SPTLC3: variants seen among roughly 807,000 people sequenced by gnomAD.
SPTLC3 encodes the protein serine palmitoyltransferase long chain base subunit 3.
In SPTLC3, 36 loss-of-function variants were observed where a neutral mutation model predicts 59.3. The ratio of observed to expected loss-of-function variants is 0.61; its 90% CI spans 0.47 to 0.80. The LOEUF is 0.80. SPTLC3 is among the 30% of genes least tolerant of loss of function. The pLI is 0.00. For missense variants in SPTLC3, 625 were observed against 685.1 expected (o/e 0.91, Z 0.98); for synonymous variants, 257 against 240.8 (o/e 1.07, Z -0.62).
chr20:13,015,580 C>T (rs1985487465), intron 1 of SPTLC3, among the ~76,000 whole-genome samples: 1 of 152,100 alleles, frequency 6.6e-6, no homozygotes, highest in Non-Finnish European at 1.5e-5. Context: ...CTAAGTTAAC[C>T]TATCAGTTTC....
At chr20:13,073,699 G>T in intron 3 of SPTLC3, 2 of 409,054 alleles carry the variant, frequency 4.9e-6, no homozygotes, top group Admixed American at 3.7e-5. Flanking sequence ...CTTGTTCATT[G>T]CTGCAGCTTC....
At chr20:13,048,062 A>G (rs1280673165) in intron 1 of SPTLC3, among the ~76,000 whole-genome samples, 3 of 152,214 alleles carry the variant, frequency 2.0e-5, no homozygotes, top group Admixed American at 6.5e-5. Context: ...TTTAACTGAC[A>G]AAGATCAAAA....
chr20:13,072,445 A>G (rs1173080942), intron 3 of SPTLC3, 35 bp downstream of exon 3: 2 of 1,518,416 alleles, frequency 1.3e-6, no homozygotes, highest in East Asian at 2.3e-5. Context: ...TGGTGAAAAG[A>G]AAAACCTTTC....
At chr20:13,079,846 C>T in intron 4 of SPTLC3, 2 of 454,082 alleles carry the variant, frequency 4.4e-6, no homozygotes, top group Non-Finnish European at 9.2e-6. Flanking sequence ...GGAAAATGGG[C>T]AGGCACTCTT....
chr20:13,109,757 T>C (rs532329661), intron 6 of SPTLC3, among the ~76,000 whole-genome samples: 125 of 152,192 alleles, frequency 8.2e-4, no homozygotes, highest in Non-Finnish European at 1.3e-3. Context: ...ATTAATTATG[T>C]CTCTCAGAGT....
At chr20:13,062,172 C>T (rs1248676229) in intron 2 of SPTLC3, among the ~76,000 whole-genome samples, 2 of 152,162 alleles carry the variant, frequency 1.3e-5, no homozygotes, top group African/African-American at 4.8e-5. Context: ...AAACCAATAG[C>T]TTTAAATGCA....
chr20:13,132,171 A>ATTTTTTTTT (rs35718222), intron 9 of SPTLC3, among the ~76,000 whole-genome samples: 6 of 103,998 alleles, frequency 5.8e-5, no homozygotes, highest in African/African-American at 7.6e-5. Context: ...CCTTGCTTTA[A>ATTTTTTTTT]TTTTTTTTTT....
chr20:13,152,142 A>G (rs6041907), intron 9 of SPTLC3, among the ~76,000 whole-genome samples: 5,752 of 152,252 alleles, frequency 0.038, 157 homozygotes, highest in African/African-American at 0.078. Context: ...CTAGAATCCA[A>G]TTCTGGCTTG....
At position 13,074,397 on chromosome 20, in the gene SPTLC3, C is replaced by T; in HGVS notation, c.507C>T (p.Asn169=). 1 of 1,614,104 alleles carries T rather than the reference C, an allele frequency of 6.2e-7. No individual in the cohort carries two copies. The highest frequency in any genetic ancestry group is 8.5e-7 in the Non-Finnish European group (1 of 1,179,974). Residue 169 remains asparagine (N), a synonymous_variant, in exon 4 of 12, where the codon AAC becomes AAT. Transcript: ENST00000399002. The part of the protein sequence containing the change: ...IKDVINMGSY[N]FLGLAAKYDE... ...ATGTCATCAACATGGGCTCCTATAA[C>T]TTCCTTGGTCTTGCAGCCAAGTATG...
At chr20:13,051,308 A>G (rs1987480162) in intron 2 of SPTLC3, among the ~76,000 whole-genome samples, 1 of 152,240 alleles carries the variant, frequency 6.6e-6, no homozygotes, top group Non-Finnish European at 1.5e-5. Context: ...ATATCAGACA[A>G]CTGTAAAGCA....
At position 13,126,622 on chromosome 20, in the gene SPTLC3, A is replaced by G. The variant is rs746503153; in HGVS notation, c.1184A>G (p.His395Arg). ...DLVDYLRVHSHSAVYASSMSP... is the reference protein window; with the variant it reads ...DLVDYLRVHSRSAVYASSMSP... Reference sequence around the variant, plus strand: ...GTGGATTATTTACGGGTTCACTCGCATAGTGCTGTTTATGCTTCATCCATG... The same window carrying G: ...GTGGATTATTTACGGGTTCACTCGCGTAGTGCTGTTTATGCTTCATCCATG... Residue 395 changes from histidine (H) to arginine (R), a missense_variant, in exon 9 of 12, where the codon CAT becomes CGT. By Grantham distance (29) the His-to-Arg change is conservative. Transcript: ENST00000399002. 6.2e-7 allele frequency: 1 copy of G among 1,613,990 alleles called. No individual in the cohort carries two copies. Among genetic ancestry groups the G allele is most frequent in the East Asian group, 2.2e-5 (1 of 44,874 alleles).
At chr20:13,012,843 G>T (rs937394283) in intron 1 of SPTLC3, among the ~76,000 whole-genome samples, 2 of 152,186 alleles carry the variant, frequency 1.3e-5, no homozygotes, top group Non-Finnish European at 2.9e-5. Flanking sequence ...ACAAGTTGGG[G>T]TGGTCAGTGA....
intron 1 of SPTLC3, among the ~76,000 whole-genome samples, chr20:13,038,162 G>A (rs1219301808): frequency 6.6e-6 from 1 of 151,746 alleles, no homozygotes; most frequent in Non-Finnish European, 1.5e-5. Flanking sequence ...TATCTGTGAT[G>A]TCTTTGTATA....
intron 8 of SPTLC3, among the ~76,000 whole-genome samples, chr20:13,125,275 C>T (rs999673204): frequency 1.3e-5 from 2 of 152,160 alleles, no homozygotes; most frequent in African/African-American, 2.4e-5. Flanking sequence ...AAAATGGCTC[C>T]TACCACTGAA....
intron 2 of SPTLC3, among the ~76,000 whole-genome samples, chr20:13,064,413 C>A (rs955001310): frequency 2.0e-5 from 3 of 148,296 alleles, no homozygotes; most frequent in Middle Eastern, 3.4e-3. Flanking sequence ...CCTGCCTCAA[C>A]CCCCCGAGTA....
chr20:13,100,868 A>C (rs1463421237), intron 6 of SPTLC3, among the ~76,000 whole-genome samples: 1 of 152,210 alleles, frequency 6.6e-6, no homozygotes, highest in Non-Finnish European at 1.5e-5. Flanking sequence ...TGCAGACCCA[A>C]GTCTGTTGCT....
intron 3 of SPTLC3, chr20:13,073,883 A>T: frequency 1.8e-6 from 1 of 550,466 alleles, no homozygotes; most frequent in Non-Finnish European, 3.6e-6. Context: ...TCTTTATAGG[A>T]CGGTCCTGTT....
chr20:13,056,916 AT>A (rs1987756066), intron 2 of SPTLC3, among the ~76,000 whole-genome samples: 1 of 151,522 alleles, frequency 6.6e-6, no homozygotes, highest in Non-Finnish European at 1.5e-5. Flanking sequence ...TAATTTTTGT[AT>A]TTTTAGTACA....
chr20:13,127,342 C>G (rs1294291398), intron 9 of SPTLC3, among the ~76,000 whole-genome samples: 2 of 152,202 alleles, frequency 1.3e-5, no homozygotes, highest in African/African-American at 4.8e-5. Flanking sequence ...CCACATGTCA[C>G]ACACCAGAGG....
Sources: gnomAD v4.1 joint callset for allele counts (sites outside exome capture counted in the v4.1 genomes callset) on GRCh38, gnomAD v4.1.1 for gene constraint, MANE v1.5 for transcripts, NCBI Gene and HGNC (gene_info 2026-07-23, HGNC 2026-07-21) for gene names.